CNTNAP2: variants seen among roughly 807,000 people sequenced by gnomAD.
CNTNAP2 encodes the protein contactin associated protein 2, also known as contactin-associated protein-like 2.
Under a neutral mutation model 155.2 loss-of-function variants are expected in CNTNAP2, and 98 were observed. The ratio of observed to expected loss-of-function variants is 0.63; its 90% CI spans 0.54 to 0.75. The LOEUF (loss-of-function observed/expected upper bound fraction) is 0.75. CNTNAP2 is among the 30% of genes least tolerant of loss of function. CNTNAP2 has a pLI of 0.00. For missense variants in CNTNAP2, 1,727 were observed against 1,688.1 expected, an observed-to-expected ratio of 1.02 and a Z score of -0.40; for synonymous variants, 651 against 631.2, an observed-to-expected ratio of 1.03 and a Z score of -0.47.
Position 147,132,418 on chromosome 7 carries a change from G to A in CNTNAP2, c.1257G>A (p.Leu419=), listed in dbSNP as rs773218141. 37 of 1,613,502 alleles carry A rather than the reference G, an allele frequency of 2.3e-5. No homozygotes were observed. The highest frequency in any genetic ancestry group is 3.1e-5 in the Non-Finnish European group (36 of 1,179,796). Residue 419 remains leucine, a synonymous_variant, in exon 8 of 24, where the codon TTG becomes TTA. Transcript: ENST00000361727. ...LLVFSHFADN[L]GNVEIDLTES... Reference sequence around the variant, plus strand: ...TCTTCAGTCACTTTGCGGATAATTTGGGCAATGTGGAGATTGACCTCACTG... The same window carrying A: ...TCTTCAGTCACTTTGCGGATAATTTAGGCAATGTGGAGATTGACCTCACTG...
intron 1 of CNTNAP2, among the ~76,000 whole-genome samples, chr7:146,136,824 G>A (rs1232433219): frequency 6.6e-6 from 1 of 152,152 alleles, no homozygotes; most frequent in African/African-American, 2.4e-5. Context: ...CTACTGTTGG[G>A]TTTACGTTGC....
chr7:146,367,046 C>T (rs1795165825), intron 1 of CNTNAP2, among the ~76,000 whole-genome samples: 1 of 152,096 alleles, frequency 6.6e-6, no homozygotes, highest in African/African-American at 2.4e-5. Context: ...ATCAGTTAAA[C>T]TCCAGCATTG....
intron 1 of CNTNAP2, among the ~76,000 whole-genome samples, chr7:146,633,355 T>C (rs908281597): frequency 6.6e-6 from 1 of 152,168 alleles, no homozygotes; most frequent in African/African-American, 2.4e-5. Flanking sequence ...TCCTAAAAAA[T>C]TCTATATCTG....
chr7:146,967,114 G>A (rs564764516), intron 3 of CNTNAP2, among the ~76,000 whole-genome samples: 25 of 152,182 alleles, frequency 1.6e-4, no homozygotes, highest in African/African-American at 5.5e-4. Flanking sequence ...CTTACTAAAC[G>A]TTTTTACATT....
chr7:146,408,138 G>A (rs375237604), intron 1 of CNTNAP2, among the ~76,000 whole-genome samples: 18 of 152,170 alleles, frequency 1.2e-4, no homozygotes, highest in African/African-American at 4.1e-4. Flanking sequence ...AAGGTCAACC[G>A]TATCTGGAAA....
intron 8 of CNTNAP2, among the ~76,000 whole-genome samples, chr7:147,215,896 T>A (rs1803257668): frequency 6.6e-6 from 1 of 152,186 alleles, no homozygotes; most frequent in Admixed American, 6.5e-5. Context: ...AGGTATGTAA[T>A]GATATCTCAT....
intron 1 of CNTNAP2, among the ~76,000 whole-genome samples, chr7:146,601,758 A>G (rs1281399208): frequency 6.6e-6 from 1 of 152,102 alleles, no homozygotes; most frequent in Non-Finnish European, 1.5e-5. Context: ...TCAAAGAAAC[A>G]AAACAGGAAT....
At chr7:147,990,815 G>A (rs1279053049) in intron 15 of CNTNAP2, among the ~76,000 whole-genome samples, 3 of 152,108 alleles carry the variant, frequency 2.0e-5, no homozygotes, top group African/African-American at 7.2e-5. Context: ...GGTGTTCAAT[G>A]ATTTATTGGG....
intron 4 of CNTNAP2, among the ~76,000 whole-genome samples, chr7:147,079,369 C>T (rs1800067197): frequency 6.6e-6 from 1 of 151,990 alleles, no homozygotes; most frequent in South Asian, 2.1e-4. Context: ...GTCTTCATCC[C>T]ACCGTTAGTG....
chr7:146,227,131 A>G (rs1057425834), intron 1 of CNTNAP2, among the ~76,000 whole-genome samples: 6 of 152,162 alleles, frequency 3.9e-5, no homozygotes, highest in African/African-American at 1.4e-4. Flanking sequence ...AGAGAATAGA[A>G]AAAAACTTTA....
chr7:146,931,771 C>T (rs1450430285), intron 3 of CNTNAP2, among the ~76,000 whole-genome samples: 2 of 150,464 alleles, frequency 1.3e-5, no homozygotes, highest in Non-Finnish European at 3.0e-5. Flanking sequence ...ACCGATCCCA[C>T]AGAAATACAA....
chr7:147,822,726 T>A (rs943880206), intron 13 of CNTNAP2, among the ~76,000 whole-genome samples: 1 of 152,124 alleles, frequency 6.6e-6, no homozygotes, highest in Non-Finnish European at 1.5e-5. Context: ...GGATGCCAAG[T>A]GGATGTTTCA....
chr7:146,577,220 G>T (rs1798538940), intron 1 of CNTNAP2, among the ~76,000 whole-genome samples: 1 of 152,038 alleles, frequency 6.6e-6, no homozygotes, highest in African/African-American at 2.4e-5. Flanking sequence ...CAAAAATATT[G>T]TTCTGCACAG....
intron 12 of CNTNAP2, among the ~76,000 whole-genome samples, chr7:147,618,005 G>T (rs1011600304): frequency 2.6e-5 from 4 of 152,174 alleles, no homozygotes; most frequent in African/African-American, 9.7e-5. Context: ...TATAGTTAGT[G>T]TTCAAGTGCT....
intron 10 of CNTNAP2, among the ~76,000 whole-genome samples, chr7:147,484,026 G>A (rs1409399717): frequency 6.6e-6 from 1 of 151,642 alleles, no homozygotes; most frequent in Non-Finnish European, 1.5e-5. Flanking sequence ...TGAAGCCTTT[G>A]TTTATCATCC....
chr7:146,667,109 T>G (rs1263952910), intron 1 of CNTNAP2, among the ~76,000 whole-genome samples: 1 of 152,138 alleles, frequency 6.6e-6, no homozygotes, highest in Admixed American at 6.6e-5. Flanking sequence ...AGAGATCTTA[T>G]AATTTCAGGT....
intron 8 of CNTNAP2, among the ~76,000 whole-genome samples, chr7:147,139,623 T>C (rs1194062496): frequency 6.6e-6 from 1 of 152,016 alleles, no homozygotes; most frequent in Non-Finnish European, 1.5e-5. Context: ...TTTTAATTTT[T>C]AAGTAATTTG....
chr7:146,327,810 T>C (rs370032026), intron 1 of CNTNAP2, among the ~76,000 whole-genome samples: 1 of 152,172 alleles, frequency 6.6e-6, no homozygotes, highest in African/African-American at 2.4e-5. Context: ...ATGAAATAAA[T>C]TGGGCAGGAC....
At chr7:148,096,906 A>G (rs1025770227) in intron 15 of CNTNAP2, among the ~76,000 whole-genome samples, 1 of 152,184 alleles carries the variant, frequency 6.6e-6, no homozygotes, top group East Asian at 1.9e-4. Context: ...AGAAGAGGAC[A>G]GGCTCTGAGT....
Sources: allele counts gnomAD v4.1 joint callset (sites outside exome capture counted in the v4.1 genomes callset), GRCh38; gene constraint gnomAD v4.1.1; transcripts MANE v1.5; gene names NCBI Gene and HGNC (gene_info 2026-07-23, HGNC 2026-07-21).